Variants in CYTIP observed in about 807,000 individuals in gnomAD.
The protein encoded by CYTIP is cytohesin-interacting protein.
CYTIP carries 26 observed loss-of-function variants against 43.8 expected under a neutral mutation model. That is an observed-to-expected ratio of 0.59 (90% confidence interval 0.44 to 0.82). The LOEUF (loss-of-function observed/expected upper bound fraction) is 0.82, where lower values mean the gene tolerates loss of function less well. CYTIP is among the 40% of genes least tolerant of loss of function. The pLI is 0.00. For missense variants in CYTIP, 426 were observed against 443.1 expected, an observed-to-expected ratio of 0.96 and a Z score of 0.35; for synonymous variants, 162 against 162.9, an observed-to-expected ratio of 0.99 and a Z score of 0.04.
At chr2:157,421,356 T>G (rs16841719) in intron 6 of CYTIP, among the ~76,000 whole-genome samples, 5,225 of 152,308 alleles carry the variant, frequency 0.034, 197 homozygotes, top group Admixed American at 0.092. Context: ...ATCACACATT[T>G]GTTCCAAAGA....
Position 157,415,634 on chromosome 2 carries a change from G to T in CYTIP, c.*43C>A. Reference sequence around the variant, plus strand: ...AAGCTGGGATCTGGGTGAGTCTAGAGATATTTGTGAAATAAGCTAATTTGA... The same window carrying T: ...AAGCTGGGATCTGGGTGAGTCTAGATATATTTGTGAAATAAGCTAATTTGA... On this transcript the variant is annotated 3_prime_UTR_variant, in exon 8 of 8. Transcript: ENST00000264192. 1 of 1,385,010 alleles carries T rather than the reference G, an allele frequency of 7.2e-7. No individual in the cohort carries two copies. The allele number at this position is 1,385,010 out of a possible 1,614,324, so 85.8% of individuals were successfully genotyped here.
At chr2:157,419,300 C>T (rs777587703) in intron 6 of CYTIP, among the ~76,000 whole-genome samples, 47 of 152,140 alleles carry the variant, frequency 3.1e-4, no homozygotes, top group Non-Finnish European at 5.9e-4. Context: ...GCTTGGACAG[C>T]TATTTATTTT....
At chr2:157,423,238 G>A (rs1397872171) in intron 6 of CYTIP, among the ~76,000 whole-genome samples, 1 of 151,756 alleles carries the variant, frequency 6.6e-6, no homozygotes, top group Non-Finnish European at 1.5e-5. Flanking sequence ...ATTAAAGATG[G>A]CCACAAATAC....
chr2:157,426,947 C>T (rs1238000837), intron 6 of CYTIP, among the ~76,000 whole-genome samples: 1 of 152,152 alleles, frequency 6.6e-6, no homozygotes, highest in Non-Finnish European at 1.5e-5. Context: ...AAGGATGAGG[C>T]AGAAGAGAAG....
intron 7 of CYTIP, among the ~76,000 whole-genome samples, chr2:157,417,197 A>G (rs938365994): frequency 2.0e-5 from 3 of 152,250 alleles, no homozygotes; most frequent in African/African-American, 7.2e-5. Context: ...GAGTACAGCC[A>G]GCCCCATGGT....
intron 1 of CYTIP, among the ~76,000 whole-genome samples, chr2:157,437,319 A>G (rs1355043764): frequency 6.6e-6 from 1 of 152,184 alleles, no homozygotes; most frequent in African/African-American, 2.4e-5. Flanking sequence ...TCATTTATAT[A>G]TCCAGAATAT....
chr2:157,438,496 A>C (rs1256607483), intron 1 of CYTIP, among the ~76,000 whole-genome samples: 1 of 152,210 alleles, frequency 6.6e-6, no homozygotes, highest in African/African-American at 2.4e-5. Context: ...ATAGTATATC[A>C]TGTACTAGTT....
intron 7 of CYTIP, 63 bp downstream of exon 7, chr2:157,418,460 T>C: frequency 6.6e-7 from 1 of 1,508,094 alleles, no homozygotes; most frequent in Non-Finnish European, 9.0e-7. Flanking sequence ...TAAACCAACT[T>C]TGAGGCAGAA....
intron 5 of CYTIP, among the ~76,000 whole-genome samples, chr2:157,428,335 C>T (rs1368543153): frequency 6.6e-6 from 1 of 152,194 alleles, no homozygotes; most frequent in Non-Finnish European, 1.5e-5. Context: ...ATGGTAAAAG[C>T]ATTAAATGTG....
intron 6 of CYTIP, among the ~76,000 whole-genome samples, chr2:157,419,283 G>A (rs186958375): frequency 2.1e-4 from 32 of 152,290 alleles, no homozygotes; most frequent in African/African-American, 6.0e-4. Context: ...GTGAGGCACC[G>A]TGCCTGGCTT....
chr2:157,416,209 C>T, intron 7 of CYTIP, 66 bp from the exon 8 acceptor site: 1 of 1,283,234 alleles, frequency 7.8e-7, no homozygotes, highest in Non-Finnish European at 1.1e-6. Flanking sequence ...TACACTACAT[C>T]AAAACTTCTC....
chr2:157,436,118 A>C (rs1051612973), intron 1 of CYTIP, among the ~76,000 whole-genome samples: 1 of 152,198 alleles, frequency 6.6e-6, no homozygotes, highest in African/African-American at 2.4e-5. Flanking sequence ...GCTTCAACTC[A>C]CTTATATCGC....
intron 1 of CYTIP, 152 bp downstream of exon 1, chr2:157,443,695 C>A: frequency 2.7e-6 from 2 of 752,454 alleles, no homozygotes; most frequent in Non-Finnish European, 3.9e-6. Context: ...GTTCACCTAG[C>A]TCCCTGAGCA....
At chr2:157,438,572 G>T (rs1396355066) in intron 1 of CYTIP, among the ~76,000 whole-genome samples, 2 of 152,130 alleles carry the variant, frequency 1.3e-5, no homozygotes, top group Non-Finnish European at 2.9e-5. Flanking sequence ...TGTGAGGGAG[G>T]TGATGGATAT....
rs958163850 is a variant in CYTIP at position 157,415,585 on chromosome 2, G to T, written c.*92C>A. 1.4e-5 allele frequency: 11 copies of T among 795,832 alleles called. No individual in the cohort carries two copies. The highest frequency in any genetic ancestry group is 2.4e-4 in the Middle Eastern group (1 of 4,230). 49.3% of individuals were successfully genotyped at this position (795,832 alleles called of 1,614,324 possible). ...TGCTGTGAAATGGGATGTCAGTTTT[G>T]CAATTCTTCTGCACTTTCCCACCAA... On this transcript the variant is annotated 3_prime_UTR_variant, in exon 8 of 8. Transcript: ENST00000264192.
At chr2:157,419,971 A>G (rs1050173125) in intron 6 of CYTIP, among the ~76,000 whole-genome samples, 2 of 152,262 alleles carry the variant, frequency 1.3e-5, no homozygotes, top group African/African-American at 4.8e-5. Context: ...CGAGCAATAA[A>G]TCAATCAAAT....
intron 7 of CYTIP, 22 bp downstream of exon 7, chr2:157,418,501 C>T (rs1435372586): frequency 1.9e-6 from 3 of 1,575,720 alleles, no homozygotes; most frequent in East Asian, 4.6e-5. Context: ...AGTGTGGTTT[C>T]TGAACAGGAA....
At chr2:157,438,398 G>A (rs1296522479) in intron 1 of CYTIP, among the ~76,000 whole-genome samples, 1 of 152,058 alleles carries the variant, frequency 6.6e-6, no homozygotes, top group African/African-American at 2.4e-5. Context: ...AAATGGATAG[G>A]GACACACTTG....
At position 157,434,498 on chromosome 2, in the gene CYTIP, AAAT is replaced by A. The variant is rs573019505; in HGVS notation, c.225-77_225-75del. On this transcript the variant is annotated intron_variant, in intron 2 of 7. Transcript: ENST00000264192. ...ACATTTGGCACAGATCTATCATTAA[AAAT>A]AACTGTCACAATTAAAAATAACTGA... The A allele has an allele frequency of 3.0e-4, 357 of 1,193,192 alleles. 1 individual carries two copies. The highest frequency in any genetic ancestry group is 4.2e-4 in the Non-Finnish European group (339 of 814,216). The allele number at this position is 1,193,192 out of a possible 1,614,324, so 73.9% of individuals were successfully genotyped here.
Sources: allele counts gnomAD v4.1 joint callset (sites outside exome capture counted in the v4.1 genomes callset), GRCh38; gene constraint gnomAD v4.1.1; transcripts MANE v1.5; gene names NCBI Gene and HGNC (gene_info 2026-07-23, HGNC 2026-07-21).